The following VSIG1 variants were observed in gnomAD, a reference collection of about 807,000 sequenced individuals.
The protein encoded by VSIG1 is V-set and immunoglobulin domain containing 1.
A neutral mutation model predicts 20.1 loss-of-function variants in VSIG1; 11 were observed. That is an observed-to-expected ratio of 0.55 (90% CI 0.34 to 0.91). VSIG1 has a LOEUF of 0.91. Among genes scored for constraint, VSIG1 ranks in the 40% least tolerant of loss-of-function variants. The probability of loss-of-function intolerance (pLI) is 0.02; values close to 1 mark genes in which losing one functional copy is unlikely to be tolerated. For synonymous variants in VSIG1, 126 were observed against 116.7 expected, an observed-to-expected ratio of 1.08 and a Z score of -0.52; for missense variants, 283 against 298.8, an observed-to-expected ratio of 0.95 and a Z score of 0.39.
At chrX:108,070,486 C>T (rs762981173) in intron 3 of VSIG1, among the ~76,000 whole-genome samples, 1 of 112,283 alleles carries the variant, frequency 8.9e-6, no homozygotes, top group Non-Finnish European at 1.9e-5. Flanking sequence ...AAATGCCTAT[C>T]TGGGTTTGAT....
the VSIG1 span, among the ~76,000 whole-genome samples, chrX:108,034,521 TTTTG>T: frequency 6.3e-5 from 7 of 111,390 alleles, no homozygotes; most frequent in African/African-American, 2.0e-4. Flanking sequence ...CCAGGTGTTT[TTTTG>T]TTTGTTTGTT....
the VSIG1 span, among the ~76,000 whole-genome samples, chrX:108,021,879 A>C: frequency 8.9e-6 from 1 of 112,150 alleles, no homozygotes; most frequent in African/African-American, 3.2e-5. Context: ...TTACATGCTT[A>C]CTTCTGGACT....
At chrX:108,037,993 A>G in the VSIG1 span, among the ~76,000 whole-genome samples, 1 of 112,153 alleles carries the variant, frequency 8.9e-6, no homozygotes, top group Non-Finnish European at 1.9e-5. Flanking sequence ...GCAAAGATCT[A>G]GAGAAGATGA....
chrX:108,041,021 C>T (rs1398552582), upstream of VSIG1, among the ~76,000 whole-genome samples: 5 of 106,274 alleles, frequency 4.7e-5, no homozygotes, highest in Non-Finnish European at 9.8e-5. Context: ...CTTTGAAAAC[C>T]ATTTACTATC....
At chrX:108,073,454 A>C in intron 5 of VSIG1, 85 bp downstream of exon 5, 2 of 1,073,344 alleles carry the variant, frequency 1.9e-6, no homozygotes, top group Admixed American at 4.9e-5. Flanking sequence ...TAGGATCCCC[A>C]GTTAGTGCTT....
the VSIG1 span, among the ~76,000 whole-genome samples, chrX:108,029,515 A>G: frequency 8.9e-6 from 1 of 112,381 alleles, no homozygotes; most frequent in Admixed American, 9.4e-5. Context: ...GCTTCTGAAT[A>G]GCATCTGATA....
At chrX:108,073,886 G>A (rs1301722366) in intron 5 of VSIG1, 1 of 111,755 alleles carries the variant, frequency 8.9e-6, no homozygotes. Context: ...GACTATTGTC[G>A]GCCTCATTTT....
At chrX:108,023,224 T>A in the VSIG1 span, among the ~76,000 whole-genome samples, 4 of 112,053 alleles carry the variant, frequency 3.6e-5, no homozygotes, top group South Asian at 7.5e-4. Context: ...ATTGAGATGA[T>A]CATGTGCCCC....
chrX:108,061,629 G>T lies in VSIG1; in HGVS notation c.213+3428G>T, dbSNP rs1049727140. 4.2e-6 allele frequency: 3 copies of T among 713,686 alleles called. No individual in the cohort carries two copies. The African/African-American group carries it at 6.4e-5, about 15-fold the overall frequency. The allele number at this position is 713,686 out of a possible 1,213,427, so 58.8% of individuals were successfully genotyped here. A position where few individuals can be genotyped will look rare whatever the true frequency, so the allele number is the denominator to read the frequency against. ...CTTTAGGAATGGGATGGGAGGGTCT[G>T]ACTTTGGTAACAATCAAGATCAGCA... On this transcript the variant is annotated intron_variant, in intron 2 of 6. Coordinates refer to ENST00000217957, the MANE Select transcript of VSIG1 (RefSeq NM_182607.5).
the VSIG1 span, among the ~76,000 whole-genome samples, chrX:108,035,234 G>T: frequency 9.0e-6 from 1 of 111,107 alleles, no homozygotes; most frequent in Non-Finnish European, 1.9e-5. Context: ...GAGTAACTGG[G>T]ATTACAGGCA....
intron 2 of VSIG1, among the ~76,000 whole-genome samples, chrX:108,063,927 G>T (rs1025828752): frequency 9.0e-6 from 1 of 111,708 alleles, no homozygotes; most frequent in South Asian, 3.8e-4. Context: ...TACATCCGGG[G>T]CTTTTTCTGG....
chrX:108,072,260 T>TTG lies in VSIG1; in HGVS notation c.413-408_413-407dup, dbSNP rs775035149. Among the ~76,000 whole-genome samples the TTG allele has an allele frequency of 7.3e-4, 80 of 109,945 alleles. 3 individuals carry two copies. In the East Asian group the frequency reaches 0.022, roughly 30 times the overall value. On this transcript the variant is annotated intron_variant, in intron 3 of 6. Coordinates refer to ENST00000217957, the MANE Select transcript of VSIG1 (RefSeq NM_182607.5). Reference sequence around the variant, plus strand: ...CCAACATACATTTTAATAATTTTTTTTGTGTGTGTGGAGACCCAGTCTCAC... The same window carrying TTG: ...CCAACATACATTTTAATAATTTTTTTTGTGTGTGTGTGGAGACCCAGTCTCAC...
rs746937596 is a variant in VSIG1, at chrX:108,077,325, C to A, written c.1108C>A (p.Pro370Thr). ...GCCAGAGCCAGAGCCAGAGTCAGAG[C>A]CTGGGGTTGTAGTTGAGCCCTTAAG... is the stretch of plus-strand genomic sequence containing the variant. The part of the protein sequence containing the change: ...PEPEPEPESE[P>T]GVVVEPLSED... The change falls in exon 7 of 7, where the codon CCT becomes ACT. Residue 370 changes from proline to threonine, a missense_variant. Physicochemically the swap from Pro to Thr is conservative, Grantham distance 38 (BLOSUM62 -1). Coordinates refer to ENST00000217957, the MANE Select transcript of VSIG1 (RefSeq NM_182607.5). The A allele has an allele frequency of 3.3e-6, 4 of 1,210,220 alleles. No homozygotes were observed. Among genetic ancestry groups the A allele is most frequent in the Admixed American group, 4.4e-5 (2 of 45,792 alleles).
intron 2 of VSIG1, among the ~76,000 whole-genome samples, chrX:108,065,076 G>GA (rs1171049296): frequency 1.8e-5 from 2 of 111,703 alleles, no homozygotes; most frequent in Non-Finnish European, 3.8e-5. Flanking sequence ...GTTGATGTTA[G>GA]AAAAAACGGG....
intron 1 of VSIG1, among the ~76,000 whole-genome samples, chrX:108,055,507 A>C (rs1289279046): frequency 8.9e-6 from 1 of 111,924 alleles, no homozygotes; most frequent in Admixed American, 9.5e-5. Context: ...CAGTACAAAA[A>C]TAGAAAACTA....
intron 3 of VSIG1, among the ~76,000 whole-genome samples, chrX:108,071,406 T>G (rs2147933590): frequency 8.9e-6 from 1 of 111,737 alleles, no homozygotes; most frequent in African/African-American, 3.2e-5. Context: ...ATAAGATAGA[T>G]ATGTAGATAT....
At chrX:108,070,928 A>G (rs1227855591) in intron 3 of VSIG1, among the ~76,000 whole-genome samples, 1 of 112,050 alleles carries the variant, frequency 8.9e-6, no homozygotes, top group Non-Finnish European at 1.9e-5. Context: ...GCGGAAGTCA[A>G]TGGGAGAGTA....
At chrX:108,047,903 T>TAC (rs1411259869) in intron 1 of VSIG1, among the ~76,000 whole-genome samples, 537 of 17,296 alleles carry the variant, frequency 0.031, 49 homozygotes, top group Non-Finnish European at 0.038. Context: ...TATATATATA[T>TAC]ACACATATAT....
chrX:108,058,966 G>A (rs2030967597), intron 2 of VSIG1, among the ~76,000 whole-genome samples: 1 of 111,272 alleles, frequency 9.0e-6, no homozygotes, highest in African/African-American at 3.3e-5. Context: ...GCATATGCAC[G>A]TGCGTGTGTG....
Sources: gnomAD v4.1 joint callset for allele counts (sites outside exome capture counted in the v4.1 genomes callset) on GRCh38, gnomAD v4.1.1 for gene constraint, MANE v1.5 for transcripts, NCBI Gene and HGNC (gene_info 2026-07-23, HGNC 2026-07-21) for gene names.